The following AHCY variants were observed in gnomAD, a reference collection of about 807,000 sequenced individuals.
AHCY encodes S-adenosyl-L-homocysteine hydrolase.
A neutral mutation model predicts 45.4 loss-of-function variants in AHCY; 24 were observed. The ratio of observed to expected loss-of-function variants is 0.53; its 90% CI spans 0.38 to 0.74. The LOEUF (loss-of-function observed/expected upper bound fraction) is 0.74, where lower values mean the gene tolerates loss of function less well. AHCY is among the 30% of genes least tolerant of loss of function. The pLI is 0.00. For synonymous variants in AHCY, 245 were observed against 235.1 expected, an observed-to-expected ratio of 1.04 and a Z score of -0.39; for missense variants, 449 against 594.1, an observed-to-expected ratio of 0.76 and a Z score of 2.54.
At chr20:34,256,473 T>A in the AHCY span, among the ~76,000 whole-genome samples, 16 of 152,318 alleles carry the variant, frequency 1.1e-4, 1 homozygote, top group Middle Eastern at 6.8e-3. Context: ...GCTAATTTTT[T>A]AAAAATTTTT....
chr20:34,235,902 GGAA>G, the AHCY span, among the ~76,000 whole-genome samples: 1 of 82,904 alleles, frequency 1.2e-5, no homozygotes, highest in African/African-American at 9.0e-5. Context: ...AGGAAGGAAA[GGAA>G]GGAAGGAAGG....
At position 34,291,500 on chromosome 20, in the gene AHCY, A is replaced by G. The variant is rs1289209911; in HGVS notation, c.477T>C (p.Thr159=). ...TCATCTTGTAGAGGTTGTGGACCCC[A>G]GTCGTGGTCTCCTCAGAGATGCCTC... ...GIRGISEETT[T]GVHNLYKMMA... Residue 159 remains threonine, a synonymous_variant, in exon 5 of 10, where the codon ACT becomes ACC. Coordinates refer to ENST00000217426, the MANE Select transcript of AHCY (RefSeq NM_000687.4). 6.2e-7 allele frequency: 1 copy of G among 1,614,152 alleles called. No homozygotes were observed. The highest frequency in any genetic ancestry group is 1.1e-5 in the South Asian group (1 of 91,084).
At chr20:34,260,226 C>T in the AHCY span, 1 of 804,754 alleles carries the variant, frequency 1.2e-6, no homozygotes, top group Non-Finnish European at 2.0e-6. Flanking sequence ...CATCCTAAGC[C>T]TTGCTAATCC....
intron 2 of AHCY, 66 bp downstream of exon 2, chr20:34,295,329 C>G: frequency 6.3e-7 from 1 of 1,592,200 alleles, no homozygotes; most frequent in Non-Finnish European, 8.6e-7. Flanking sequence ...CTGGCACAGT[C>G]GTCTTCTTCC....
chr20:34,291,570 C>G (rs544376471), intron 4 of AHCY, 39 bp from the exon 5 acceptor site: 8 of 1,549,804 alleles, frequency 5.2e-6, no homozygotes, highest in Non-Finnish European at 7.1e-6. Context: ...AGAGATGCCA[C>G]ACCTGTGCTC....
At position 34,290,408 on chromosome 20, in the gene AHCY, A is replaced by G. The variant is rs761508662; in HGVS notation, c.896T>C (p.Ile299Thr). Residue 299 changes from isoleucine (I) to threonine (T), a missense_variant, in exon 8 of 10, where the codon ATT (isoleucine) becomes ACT (threonine). Coordinates refer to ENST00000217426, the MANE Select transcript of AHCY (RefSeq NM_000687.4). The surrounding 1 kb of genome is among the most constrained non-coding windows in gnomAD (Gnocchi z 4.5). ...ATCGATCTCCACGTCAAAGTGTCCA[A>G]TGTTACACACAATGGCATCATCCTT... ...QMKDDAIVCN[I>T]GHFDVEIDVK... is the part of the protein sequence containing the mutation. The G allele has an allele frequency of 3.9e-5, 63 of 1,614,090 alleles. No homozygotes were observed. Among genetic ancestry groups the G allele is most frequent in the African/African-American group, 4.0e-5 (3 of 74,924 alleles).
At chr20:34,241,618 TG>T in the AHCY span, 1 of 839,410 alleles carries the variant, frequency 1.2e-6, no homozygotes, top group Non-Finnish European at 1.4e-6. Flanking sequence ...TTCACTTTTG[TG>T]GGTCAGAGTA....
intron 8 of AHCY, chr20:34,286,157 A>G (rs184095133): frequency 1.0e-4 from 20 of 197,262 alleles, no homozygotes; most frequent in African/African-American, 3.3e-4. Context: ...CAGACTGCAC[A>G]GTTCTGCTGT....
the AHCY span, chr20:34,269,111 C>T: frequency 1.3e-6 from 2 of 1,565,228 alleles, no homozygotes; most frequent in Non-Finnish European, 8.7e-7. Context: ...CGCCTCCTGC[C>T]AGTGCCGCTT....
intron 8 of AHCY, among the ~76,000 whole-genome samples, chr20:34,289,198 G>A (rs544260856): frequency 5.9e-5 from 9 of 152,080 alleles, no homozygotes; most frequent in African/African-American, 1.7e-4. Context: ...TTTTGAGACA[G>A]AGTCTCGCAC....
the AHCY span, among the ~76,000 whole-genome samples, chr20:34,271,390 C>T: frequency 5.3e-5 from 8 of 152,104 alleles, no homozygotes; most frequent in Non-Finnish European, 1.2e-4. Flanking sequence ...AATCTGGGAC[C>T]GCCGTCTCCA....
At chr20:34,291,171 C>T (rs1014923971) in intron 5 of AHCY, among the ~76,000 whole-genome samples, 1 of 152,236 alleles carries the variant, frequency 6.6e-6, no homozygotes, top group African/African-American at 2.4e-5. Context: ...GCATCAGTTA[C>T]TAGGAGAGAT....
the AHCY span, among the ~76,000 whole-genome samples, chr20:34,239,840 C>T: frequency 2.6e-5 from 4 of 152,178 alleles, no homozygotes; most frequent in South Asian, 2.1e-4. Context: ...CCCATCACCA[C>T]GAAAACAGAC....
chr20:34,268,949 T>A, the AHCY span: 1 of 1,561,762 alleles, frequency 6.4e-7, no homozygotes, highest in Non-Finnish European at 8.7e-7. Context: ...ACCGGAGGGG[T>A]GGGCGTGGCC....
chr20:34,264,509 A>G, the AHCY span, among the ~76,000 whole-genome samples: 10 of 152,308 alleles, frequency 6.6e-5, no homozygotes, highest in South Asian at 2.1e-3. Context: ...AGGTGCTACT[A>G]GTGATTCTGG....
At chr20:34,236,740 T>G in the AHCY span, among the ~76,000 whole-genome samples, 17 of 152,324 alleles carry the variant, frequency 1.1e-4, no homozygotes, top group East Asian at 2.9e-3. Flanking sequence ...AATATGCAAG[T>G]GCTGATACGA....
the AHCY span, among the ~76,000 whole-genome samples, chr20:34,248,057 T>C: frequency 6.6e-6 from 1 of 151,932 alleles, no homozygotes; most frequent in Non-Finnish European, 1.5e-5. Flanking sequence ...AATAGAAAAA[T>C]TAGCCTGGCA....
chr20:34,234,656 G>A, the AHCY span, among the ~76,000 whole-genome samples: 11 of 151,826 alleles, frequency 7.2e-5, no homozygotes, highest in East Asian at 3.9e-4. Flanking sequence ...ACAAAAATTC[G>A]CCGGGCGTGG....
chr20:34,255,953 C>CTG, the AHCY span, among the ~76,000 whole-genome samples: 141 of 152,202 alleles, frequency 9.3e-4, no homozygotes, highest in Non-Finnish European at 1.5e-3. Context: ...GAAGGCCTGA[C>CTG]ATCAGTCAGG....
Sources: gnomAD v4.1 joint callset for allele counts (sites outside exome capture counted in the v4.1 genomes callset) on GRCh38, gnomAD v4.1.1 for gene constraint, Gnocchi (gnomAD v3.1) non-coding constraint, MANE v1.5 for transcripts, NCBI Gene and HGNC (gene_info 2026-07-23, HGNC 2026-07-21) for gene names.